The following BIN1 variants were observed in gnomAD, a reference collection of about 807,000 sequenced individuals.
BIN1 encodes the protein myc box-dependent-interacting protein 1.
In BIN1, 53 loss-of-function variants were observed where a neutral mutation model predicts 82.0. The observed-to-expected ratio is 0.65, with a 90% CI of 0.52 to 0.81. BIN1 has a LOEUF of 0.81. Among genes scored for constraint, BIN1 ranks in the 40% least tolerant of loss-of-function variants. The pLI, the probability that BIN1 is intolerant of heterozygous loss-of-function variation, is 0.00. For synonymous variants in BIN1, 302 were observed against 328.0 expected, an observed-to-expected ratio of 0.92 and a Z score of 0.86; for missense variants, 642 against 784.4, an observed-to-expected ratio of 0.82 and a Z score of 2.17.
intron 1 of BIN1, among the ~76,000 whole-genome samples, chr2:127,087,533 C>T (rs187445002): frequency 1.6e-4 from 24 of 152,310 alleles, no homozygotes; most frequent in Non-Finnish European, 7.4e-5. Context: ...GAGCACACAG[C>T]GTGAGTGGAG....
Position 127,050,859 on chromosome 2 carries a change from G to C in BIN1, c.1515C>G (p.Thr505=), listed in dbSNP as rs375583449. Residue 505 remains threonine, a synonymous_variant, in exon 17 of 19, where the codon ACC becomes ACG. Transcript: ENST00000316724. ...VETFPATVNG[T]VEGGSGAGRL... Reference sequence around the variant, plus strand: ...GCCCGGCCCCACTGCCGCCCTCCACGGTGCCATTCACAGTTGCTGGGAAGG... The same window carrying C: ...GCCCGGCCCCACTGCCGCCCTCCACCGTGCCATTCACAGTTGCTGGGAAGG... 5.0e-6 allele frequency: 8 copies of C among 1,613,776 alleles called. No homozygotes were observed. In the Admixed American group the frequency reaches 5.0e-5, roughly 10 times the overall value.
rs571067138 is a variant in BIN1, at chr2:127,068,060, C to G, written c.612+103G>C. 1.0e-4 allele frequency: 125 copies of G among 1,219,932 alleles called. No individual in the cohort carries two copies. In the South Asian group the frequency reaches 1.3e-3, roughly 12 times the overall value. The allele number at this position is 1,219,932 out of a possible 1,614,324, so 75.6% of individuals were successfully genotyped here. A position where few individuals can be genotyped will look rare whatever the true frequency, so the allele number is the denominator to read the frequency against. On this transcript the variant is annotated intron_variant, in intron 7 of 18. Transcript: ENST00000316724. The surrounding 1 kb of genome is among the most constrained non-coding windows in gnomAD (Gnocchi z 4.9). ...GCAGAGGCCTTTGAAAAACCCTGCC[C>G]CAGCTGGGCTCAGATGCCAGCCCTG...
Position 127,082,211 on chromosome 2 carries a change from A to G in BIN1, c.85-5505T>C, listed in dbSNP as rs1199160283. Among the ~76,000 whole-genome samples, 5 of 151,694 alleles carry G rather than the reference A, an allele frequency of 3.3e-5. No individual in the cohort carries two copies. Among genetic ancestry groups the G allele is most frequent in the African/African-American group, 7.3e-5 (3 of 41,274 alleles). ...ACTCCCGGGGGCTGTCCCTCTGTCA[A>G]TCTTTCCTTGCCCCTCCTCCTCCGT... On this transcript the variant is annotated intron_variant, in intron 1 of 18. Coordinates refer to ENST00000316724, the MANE Select transcript of BIN1 (RefSeq NM_139343.3). This position sits in a 1 kb window ranked among gnomAD's most constrained non-coding sequence, Gnocchi z 6.1.
Position 127,051,162 on chromosome 2 carries a change from C to A in BIN1, c.1453G>T (p.Ala485Ser), listed in dbSNP as rs1573532756. ...TGTCCCTGCTGTCTTACGGAGGCTGCTTCACTTGCCGCCGTCTCCCCTGGC... is the reference window on the plus strand; with the variant it reads ...TGTCCCTGCTGTCTTACGGAGGCTGATTCACTTGCCGCCGTCTCCCCTGGC... ...QEPGETAASE[A>S]ASSSLPAVVV... is the part of the protein sequence containing the mutation. Residue 485 changes from alanine to serine, a missense_variant, in exon 16 of 19, where the codon GCA (alanine) becomes TCA (serine). Coordinates refer to ENST00000316724, the MANE Select transcript of BIN1 (RefSeq NM_139343.3). 6.2e-7 allele frequency: 1 copy of A among 1,613,380 alleles called. No homozygotes were observed. Among genetic ancestry groups the A allele is most frequent in the South Asian group, 1.1e-5 (1 of 91,090 alleles).
rs1033781516 is a variant in BIN1 at position 127,059,246 on chromosome 2, G to A, written c.858-91C>T. On this transcript the variant is annotated intron_variant, in intron 10 of 18. Coordinates refer to ENST00000316724, the MANE Select transcript of BIN1 (RefSeq NM_139343.3). The surrounding 1 kb of genome is among the most constrained non-coding windows in gnomAD (Gnocchi z 6.7). ...AATGTATTGACGTCTGTGTGAAGAG[G>A]TGTGTGCATATGGAGGTGTGAAACT... The A allele has an allele frequency of 6.7e-5, 96 of 1,427,322 alleles. No individual in the cohort carries two copies. The highest frequency in any genetic ancestry group is 8.9e-5 in the Non-Finnish European group (94 of 1,054,890). 88.4% of individuals were successfully genotyped at this position (1,427,322 alleles called of 1,614,324 possible). A position where few individuals can be genotyped will look rare whatever the true frequency, so the allele number is the denominator to read the frequency against.
intron 1 of BIN1, among the ~76,000 whole-genome samples, chr2:127,078,576 G>A (rs1421805069): frequency 6.6e-6 from 1 of 152,170 alleles, no homozygotes; most frequent in African/African-American, 2.4e-5. Flanking sequence ...GGCAGCCACC[G>A]ATGATGTTGT....
intron 2 of BIN1, among the ~76,000 whole-genome samples, chr2:127,076,247 C>T (rs909532957): frequency 1.6e-4 from 25 of 152,188 alleles, no homozygotes; most frequent in African/African-American, 4.6e-4. Context: ...CAGCCTGCTC[C>T]GCCCCCATGC....
In BIN1 at chr2:127,082,869, C is replaced by G. The variant is rs1687475155; in HGVS notation, c.85-6163G>C. 1.3e-5 allele frequency among the ~76,000 whole-genome samples: 2 copies of G among 151,634 alleles called. No homozygotes were observed. Among genetic ancestry groups the G allele is most frequent in the African/African-American group, 4.9e-5 (2 of 41,226 alleles). ...AACAATCTAGGTGCCATGCAGGAGG[C>G]CACAGCAGCCCTGACGAGAGAGCAG... On this transcript the variant is annotated intron_variant, in intron 1 of 18. Transcript: ENST00000316724. This position sits in a 1 kb window ranked among gnomAD's most constrained non-coding sequence, Gnocchi z 6.1.
intron 2 of BIN1, 37 bp from the exon 3 acceptor site, chr2:127,070,853 G>A: frequency 6.3e-7 from 1 of 1,599,060 alleles, no homozygotes; most frequent in South Asian, 1.1e-5. Context: ...TCAGGGACTG[G>A]TGGCACACCC....
In BIN1 at chr2:127,057,348, G is replaced by C. The variant is rs771152447; in HGVS notation, c.1131+125C>G. 3 of 1,288,768 alleles carry C rather than the reference G, an allele frequency of 2.3e-6. No homozygotes were observed. The highest frequency in any genetic ancestry group is 2.8e-4 in the Middle Eastern group (1 of 3,588). The allele number at this position is 1,288,768 out of a possible 1,614,324, so 79.8% of individuals were successfully genotyped here. ...GATGGAGGGAACAAAGGGTGAGAGAGGGAAACTGACACTCTCTCTGGCCAG... is the reference window on the plus strand; with the variant it reads ...GATGGAGGGAACAAAGGGTGAGAGACGGAAACTGACACTCTCTCTGGCCAG... On this transcript the variant is annotated intron_variant, in intron 12 of 18. Coordinates refer to ENST00000316724, the MANE Select transcript of BIN1 (RefSeq NM_139343.3). This position sits in a 1 kb window ranked among gnomAD's most constrained non-coding sequence, Gnocchi z 5.0.
At chr2:127,069,857 G>A in intron 5 of BIN1, 138 bp downstream of exon 5, 1 of 827,656 alleles carries the variant, frequency 1.2e-6, no homozygotes, top group Non-Finnish European at 1.9e-6. Context: ...AGCAACCCCG[G>A]AGGGGTGAAA....
At chr2:127,077,431 CA>C (rs1237959200) in intron 1 of BIN1, among the ~76,000 whole-genome samples, 5 of 152,134 alleles carry the variant, frequency 3.3e-5, no homozygotes, top group African/African-American at 4.8e-5. Context: ...CGATGAGTGG[CA>C]GGGGGAGATG....
intron 1 of BIN1, among the ~76,000 whole-genome samples, chr2:127,105,532 G>C (rs1174311538): frequency 6.8e-6 from 1 of 147,264 alleles, no homozygotes; most frequent in Admixed American, 7.3e-5. Context: ...GGGGAGCTGG[G>C]TCTGGGCAAA....
chr2:127,073,072 C>G (rs556253252), intron 2 of BIN1, among the ~76,000 whole-genome samples: 2 of 152,220 alleles, frequency 1.3e-5, no homozygotes, highest in Admixed American at 1.3e-4. Flanking sequence ...TGTGCTCCCC[C>G]GGGCTTCAGG....
intron 18 of BIN1, 87 bp from the exon 19 acceptor site, chr2:127,048,720 A>G: frequency 2.3e-6 from 3 of 1,292,156 alleles, no homozygotes; most frequent in Admixed American, 3.6e-5. Context: ...TGCTGGGAAG[A>G]CGGCCCCTCC....
chr2:127,103,375 C>A (rs1346865321), intron 1 of BIN1, among the ~76,000 whole-genome samples: 1 of 152,194 alleles, frequency 6.6e-6, no homozygotes, highest in Non-Finnish European at 1.5e-5. Flanking sequence ...CTAGGAATCG[C>A]CACCACTGCA....
chr2:127,066,584 C>T (rs1293842839), intron 7 of BIN1, among the ~76,000 whole-genome samples: 1 of 152,188 alleles, frequency 6.6e-6, no homozygotes, highest in East Asian at 1.9e-4. Flanking sequence ...CAGGGCATAC[C>T]CACTCCAGCC....
At position 127,090,060 on chromosome 2, in the gene BIN1, A is replaced by T. The variant is rs1213262156; in HGVS notation, c.85-13354T>A. On this transcript the variant is annotated intron_variant, in intron 1 of 18. Coordinates refer to ENST00000316724, the MANE Select transcript of BIN1 (RefSeq NM_139343.3). This position sits in a 1 kb window ranked among gnomAD's most constrained non-coding sequence, Gnocchi z 6.4. ...CACCTGCTCCTGCGGCTCACAGTCC[A>T]CTGCAGCATGGCCAGTTCCTTGGAA... 6.8e-6 allele frequency among the ~76,000 whole-genome samples: 1 copy of T among 146,056 alleles called. No homozygotes were observed. The highest frequency in any genetic ancestry group is 1.5e-5 in the Non-Finnish European group (1 of 66,980).
chr2:127,101,003 G>GGGGGGA (rs983164651), intron 1 of BIN1, among the ~76,000 whole-genome samples: 2 of 137,752 alleles, frequency 1.5e-5, no homozygotes, highest in African/African-American at 2.8e-5. Flanking sequence ...AATGTGCGGG[G>GGGGGGA]GGTGGGGATA....
Sources: gnomAD v4.1 joint callset for allele counts (sites outside exome capture counted in the v4.1 genomes callset) on GRCh38, gnomAD v4.1.1 for gene constraint, Gnocchi (gnomAD v3.1) non-coding constraint, MANE v1.5 for transcripts, NCBI Gene and HGNC (gene_info 2026-07-23, HGNC 2026-07-21) for gene names.